The following INPP5A variants were observed in gnomAD, a reference collection of about 807,000 sequenced individuals.
INPP5A encodes the protein 43 kDa inositol polyphosphate 5-phophatase.
Under a neutral mutation model 65.2 loss-of-function variants are expected in INPP5A, and 14 were observed. The observed-to-expected ratio is 0.21, with a 90% CI of 0.14 to 0.34. INPP5A has a LOEUF of 0.34. INPP5A is among the 10% of genes least tolerant of loss of function. The pLI is 1.00. For synonymous variants in INPP5A, 207 were observed against 208.3 expected (o/e 0.99, Z 0.05); for missense variants, 431 against 545.6 (o/e 0.79, Z 2.09).
chr10:132,551,598 A>G lies in INPP5A; in HGVS notation c.75+13427A>G, dbSNP rs2071050026. On this transcript the variant is annotated intron_variant, in intron 1 of 15. Coordinates refer to ENST00000368594, the MANE Select transcript of INPP5A (RefSeq NM_005539.5). The surrounding 1 kb of genome is among the most constrained non-coding windows in gnomAD (Gnocchi z 5.3). Reference sequence around the variant, plus strand: ...ATGACTTGCTTTAATTTTCTCCATCACCGTTACGGTTTTTCAGAGCTGTTG... The same window carrying G: ...ATGACTTGCTTTAATTTTCTCCATCGCCGTTACGGTTTTTCAGAGCTGTTG... Among the ~76,000 whole-genome samples, 3 of 151,808 alleles carry G rather than the reference A, an allele frequency of 2.0e-5. No individual in the cohort carries two copies. The highest frequency in any genetic ancestry group is 2.9e-5 in the Non-Finnish European group (2 of 67,940).
At chr10:132,645,989 TG>T in intron 3 of INPP5A, 21 bp downstream of exon 3, 2 of 1,547,470 alleles carry the variant, frequency 1.3e-6, no homozygotes, top group Non-Finnish European at 1.8e-6. Context: ...GGGCAGGTGC[TG>T]GTGCATGTCC....
chr10:132,621,659 G>A (rs1032688065), intron 2 of INPP5A, among the ~76,000 whole-genome samples: 2 of 152,188 alleles, frequency 1.3e-5, no homozygotes, highest in African/African-American at 4.8e-5. Flanking sequence ...CAGTGAAGTG[G>A]TAGGGCAGAG....
At chr10:132,721,390 G>T (rs750230332) in intron 8 of INPP5A, among the ~76,000 whole-genome samples, 3 of 150,450 alleles carry the variant, frequency 2.0e-5, no homozygotes, top group Non-Finnish European at 3.0e-5. Context: ...TCAGGGTTCT[G>T]TGGTGCCTGG....
chr10:132,605,047 C>G (rs951286898), intron 1 of INPP5A, among the ~76,000 whole-genome samples: 4 of 151,800 alleles, frequency 2.6e-5, no homozygotes, highest in African/African-American at 9.7e-5. Context: ...TGAGAATCAC[C>G]CTGGCTGCCT....
rs1488560793 is a variant in INPP5A, at chr10:132,707,383, T to C, written c.475-930T>C. On this transcript the variant is annotated intron_variant, in intron 6 of 15. Transcript: ENST00000368594. This position sits in a 1 kb window ranked among gnomAD's most constrained non-coding sequence, Gnocchi z 5.5. ...GCTTTGTGGACCTTGGACTTGACTC[T>C]GTCAGCCTCTTCCCAGTGCCTTCTG... is the stretch of plus-strand genomic sequence containing the variant. Among the ~76,000 whole-genome samples the C allele has an allele frequency of 6.6e-6, 1 of 152,266 alleles. No homozygotes were observed. Among genetic ancestry groups the C allele is most frequent in the Non-Finnish European group, 1.5e-5 (1 of 68,034 alleles).
intron 5 of INPP5A, among the ~76,000 whole-genome samples, chr10:132,694,045 T>C (rs542605963): frequency 1.3e-5 from 2 of 152,214 alleles, no homozygotes; most frequent in Non-Finnish European, 2.9e-5. Context: ...TTGACACTTA[T>C]AGGATACCTC....
chr10:132,595,073 G>C (rs146916096), intron 1 of INPP5A, among the ~76,000 whole-genome samples: 4 of 152,204 alleles, frequency 2.6e-5, no homozygotes, highest in African/African-American at 4.8e-5. Flanking sequence ...ACCTTTGGGC[G>C]TTTTTTTCTG....
At chr10:132,677,143 C>T (rs1025702916) in intron 4 of INPP5A, among the ~76,000 whole-genome samples, 1 of 152,164 alleles carries the variant, frequency 6.6e-6, no homozygotes, top group African/African-American at 2.4e-5. Context: ...GACCTAGGTT[C>T]AGTCACCTTT....
At chr10:132,631,767 A>G (rs998764467) in intron 2 of INPP5A, among the ~76,000 whole-genome samples, 3 of 152,236 alleles carry the variant, frequency 2.0e-5, no homozygotes, top group Admixed American at 6.5e-5. Flanking sequence ...TTTTCTTGCC[A>G]TGCCTTTCCA....
chr10:132,633,423 C>A (rs1232305749), intron 2 of INPP5A, among the ~76,000 whole-genome samples: 1 of 152,150 alleles, frequency 6.6e-6, no homozygotes, highest in Non-Finnish European at 1.5e-5. Context: ...TGTGCAGTGA[C>A]TAAATCTGTT....
At chr10:132,749,133 G>A (rs1177752722) in intron 9 of INPP5A, among the ~76,000 whole-genome samples, 1 of 152,264 alleles carries the variant, frequency 6.6e-6, no homozygotes, top group African/African-American at 2.4e-5. Flanking sequence ...GGAGTTCAGG[G>A]ACGGGAGAGA....
In INPP5A at chr10:132,577,758, G is replaced by A. The variant is rs1004362415; in HGVS notation, c.76-30157G>A. 2.0e-5 allele frequency among the ~76,000 whole-genome samples: 3 copies of A among 152,254 alleles called. 1 individual carries two copies. In the South Asian group the frequency reaches 6.2e-4, roughly 32 times the overall value. On this transcript the variant is annotated intron_variant, in intron 1 of 15. Transcript: ENST00000368594. Reference sequence around the variant, plus strand: ...AGGGAGGCATTGGGTGTTGTGGGCAGCGGTGGTTCGTGGCCTCCTAGTGAC... The same window carrying A: ...AGGGAGGCATTGGGTGTTGTGGGCAACGGTGGTTCGTGGCCTCCTAGTGAC...
At chr10:132,561,349 G>C (rs996455671) in intron 1 of INPP5A, among the ~76,000 whole-genome samples, 1 of 151,776 alleles carries the variant, frequency 6.6e-6, no homozygotes, top group Non-Finnish European at 1.5e-5. Context: ...TTACATGTAG[G>C]TCTTTGAAAT....
At chr10:132,573,630 G>A (rs2071378917) in intron 1 of INPP5A, among the ~76,000 whole-genome samples, 1 of 122,116 alleles carries the variant, frequency 8.2e-6, no homozygotes, top group Non-Finnish European at 1.7e-5. Flanking sequence ...TGTGCGTGCC[G>A]TGTGAGGTTT....
chr10:132,572,699 G>A (rs953500657), intron 1 of INPP5A, among the ~76,000 whole-genome samples: 3 of 152,116 alleles, frequency 2.0e-5, no homozygotes, highest in Non-Finnish European at 2.9e-5. Context: ...ACTCGGTAGC[G>A]TTTATAACAG....
At chr10:132,778,020 G>A in intron 13 of INPP5A, 1 of 1,144,690 alleles carries the variant, frequency 8.7e-7, no homozygotes, top group Admixed American at 3.0e-5. Context: ...TGGGCAGCCA[G>A]CGTCATCCTG....
In INPP5A at chr10:132,538,095, C is replaced by T. The variant is rs1336894591; in HGVS notation, c.-2C>T. 1 of 1,198,592 alleles carries T rather than the reference C, an allele frequency of 8.3e-7. No individual in the cohort carries two copies. The highest frequency in any genetic ancestry group is 3.4e-5 in the East Asian group (1 of 29,126). The allele number at this position is 1,198,592 out of a possible 1,614,324, so 74.2% of individuals were successfully genotyped here. ...GCCCAGCGCCCGCGCCGCCCGGGCACCATGGCGGGGAAGGCGGCCGCCCCG... is the reference window on the plus strand; with the variant it reads ...GCCCAGCGCCCGCGCCGCCCGGGCATCATGGCGGGGAAGGCGGCCGCCCCG... On this transcript the variant is annotated 5_prime_UTR_variant, in exon 1 of 16. Transcript: ENST00000368594. The surrounding 1 kb of genome is among the most constrained non-coding windows in gnomAD (Gnocchi z 4.1).
At chr10:132,669,868 G>T (rs562852327) in intron 4 of INPP5A, among the ~76,000 whole-genome samples, 1 of 152,162 alleles carries the variant, frequency 6.6e-6, no homozygotes, top group African/African-American at 2.4e-5. Flanking sequence ...AGGGAGCCAG[G>T]ACCCGCTGGT....
intron 1 of INPP5A, among the ~76,000 whole-genome samples, chr10:132,582,487 G>A (rs2071496810): frequency 1.3e-5 from 2 of 150,526 alleles, no homozygotes; most frequent in African/African-American, 4.9e-5. Context: ...GTGGCAACAC[G>A]GCTCACTGCA....
Sources: gnomAD v4.1 joint callset for allele counts (sites outside exome capture counted in the v4.1 genomes callset) on GRCh38, gnomAD v4.1.1 for gene constraint, Gnocchi (gnomAD v3.1) non-coding constraint, MANE v1.5 for transcripts, NCBI Gene and HGNC (gene_info 2026-07-23, HGNC 2026-07-21) for gene names.